Variants in TTF1 observed in about 807,000 individuals in gnomAD.
TTF1 encodes transcription termination factor 1, also known as transcription termination factor, RNA polymerase I.
TTF1 carries 64 observed loss-of-function variants against 80.2 expected under a neutral mutation model. The observed-to-expected ratio is 0.80, with a 90% CI of 0.65 to 0.98. TTF1 has a LOEUF of 0.98. Among genes scored for constraint, TTF1 ranks in the 50% least tolerant of loss-of-function variants. The pLI is 0.00. For missense variants in TTF1, 1,023 were observed against 1,086.2 expected (o/e 0.94, Z 0.82); for synonymous variants, 372 against 382.7 (o/e 0.97, Z 0.33).
At chr9:132,376,468 G>A (rs1849178581) in intron 10 of TTF1, among the ~76,000 whole-genome samples, 1 of 152,192 alleles carries the variant, frequency 6.6e-6, no homozygotes, top group East Asian at 1.9e-4. Context: ...TCTGCTGAAC[G>A]CAAAGACGCA....
At chr9:132,381,374 G>T (rs1019114486) in intron 9 of TTF1, among the ~76,000 whole-genome samples, 1 of 152,120 alleles carries the variant, frequency 6.6e-6, no homozygotes, top group African/African-American at 2.4e-5. Flanking sequence ...TATTTTAGTA[G>T]AGATGGGGTT....
intron 1 of TTF1, 124 bp from the exon 2 acceptor site, chr9:132,402,952 C>A (rs1052568056): frequency 3.2e-6 from 3 of 947,182 alleles, no homozygotes; most frequent in Non-Finnish European, 4.5e-6. Context: ...GCCTCCTGGG[C>A]TCATGCCATT....
At position 132,384,708 on chromosome 9, in the gene TTF1, G is replaced by A. The variant is rs1200126679; in HGVS notation, c.2378+1848C>T. Among the ~76,000 whole-genome samples the A allele has an allele frequency of 6.6e-6, 1 of 152,180 alleles. No homozygotes were observed. The highest frequency in any genetic ancestry group is 2.4e-5 in the African/African-American group (1 of 41,428). Reference sequence around the variant, plus strand: ...GTCTTGCTCTGTTGCCCAGGCTGGAGTGCAATGGCATGATCTCGGCTTACT... The same window carrying A: ...GTCTTGCTCTGTTGCCCAGGCTGGAATGCAATGGCATGATCTCGGCTTACT... On this transcript the variant is annotated intron_variant, in intron 9 of 10. Coordinates refer to ENST00000334270, the MANE Select transcript of TTF1 (RefSeq NM_007344.4). The surrounding 1 kb of genome is among the most constrained non-coding windows in gnomAD (Gnocchi z 4.1).
chr9:132,396,299 A>G, intron 5 of TTF1, 134 bp downstream of exon 5: 1 of 885,718 alleles, frequency 1.1e-6, no homozygotes, highest in African/African-American at 1.7e-5. Flanking sequence ...TTTGACAACA[A>G]ATACACCACC....
rs199931383 is a variant in TTF1, at chr9:132,390,823, G to A, written c.1996C>T (p.Arg666Cys). The change falls in exon 7 of 11, where the codon CGT becomes TGT. Residue 666 changes from arginine to cysteine, a missense_variant. By Grantham distance (180) the Arg-to-Cys change is radical. Coordinates refer to ENST00000334270, the MANE Select transcript of TTF1 (RefSeq NM_007344.4). ...GTTTCAGACTTACTCCAAGCACCAC[G>A]ATTTCTTTCTGTAGATATAAAAAGA... Reference protein sequence around the residue: ...KFSQISSQRNRGAWSKSETRK... With the variant: ...KFSQISSQRNCGAWSKSETRK... The A allele has an allele frequency of 1.4e-5, 23 of 1,613,682 alleles. No individual in the cohort carries two copies. The highest frequency in any genetic ancestry group is 7.7e-5 in the South Asian group (7 of 91,002).
rs767431497 is a variant in TTF1 at position 132,388,233 on chromosome 9, A to G, written c.2223-5T>C. ...CTCTTGGTTAGAATTTCTGTCCTAC[A>G]TTAAAAGGAAGAAAAACATAGTTTA... On this transcript the variant is annotated splice_region_variant and splice_polypyrimidine_tract_variant and intron_variant, in intron 7 of 10. Coordinates refer to ENST00000334270, the MANE Select transcript of TTF1 (RefSeq NM_007344.4). 9 of 1,587,808 alleles carry G rather than the reference A, an allele frequency of 5.7e-6. No homozygotes were observed. Among genetic ancestry groups the G allele is most frequent in the Non-Finnish European group, 5.2e-6 (6 of 1,160,330 alleles).
At chr9:132,398,729 G>A (rs575721691) in intron 3 of TTF1, among the ~76,000 whole-genome samples, 82 of 152,090 alleles carry the variant, frequency 5.4e-4, no homozygotes, top group African/African-American at 2.0e-3. Context: ...CGAGTAGCTG[G>A]GACTACAGGT....
intron 5 of TTF1, among the ~76,000 whole-genome samples, chr9:132,392,589 C>T (rs113565939): frequency 6.6e-5 from 10 of 152,054 alleles, no homozygotes; most frequent in South Asian, 6.2e-4. Flanking sequence ...CTGAAGTCCC[C>T]GTTGATTGCT....
intron 9 of TTF1, among the ~76,000 whole-genome samples, chr9:132,381,001 T>A (rs1430236548): frequency 6.6e-6 from 1 of 152,066 alleles, no homozygotes; most frequent in African/African-American, 2.4e-5. Flanking sequence ...AACTTCTGGC[T>A]CCCAGGCTCA....
rs534012235 is a variant in TTF1 at position 132,399,974 on chromosome 9, A to C, written c.1591+61T>G. ...ATAAATCTGAATCATCCATAAAAGA[A>C]AGTTAGGTGCTAGCTCTGCATACAG... On this transcript the variant is annotated intron_variant, in intron 3 of 10. Coordinates refer to ENST00000334270, the MANE Select transcript of TTF1 (RefSeq NM_007344.4). The C allele has an allele frequency of 5.2e-6, 8 of 1,540,420 alleles. No individual in the cohort carries two copies. In the East Asian group the frequency reaches 9.0e-5, roughly 17 times the overall value.
At chr9:132,381,912 C>T (rs1254480115) in intron 9 of TTF1, among the ~76,000 whole-genome samples, 2 of 152,158 alleles carry the variant, frequency 1.3e-5, no homozygotes, top group Admixed American at 1.3e-4. Context: ...GACCTCACAC[C>T]AGTAGCCACA....
chr9:132,402,532 T>A lies in TTF1; in HGVS notation c.290A>T (p.Asp97Val). 6.2e-7 allele frequency: 1 copy of A among 1,614,242 alleles called. No homozygotes were observed. The highest frequency in any genetic ancestry group is 8.5e-7 in the Non-Finnish European group (1 of 1,180,044). The change falls in exon 2 of 11, where the codon GAC becomes GTC. Residue 97 changes from aspartate to valine, a missense_variant. Transcript: ENST00000334270. ...KKRRYSALEV[D>V]EEAGVTVVLV... ...GACAACTGTAACACCTGCTTCCTCG[T>A]CCACCTCCAAAGCACTATATCTTCT...
rs1405363663 is a variant in TTF1, at chr9:132,384,196, A to T, written c.2378+2360T>A. ...AGCTTCATTTATTTTGTATCTGTCT[A>T]AAATTTTCCTAATAAAGTTTCTGAA... is the stretch of plus-strand genomic sequence containing the variant. On this transcript the variant is annotated intron_variant, in intron 9 of 10. Coordinates refer to ENST00000334270, the MANE Select transcript of TTF1 (RefSeq NM_007344.4). The surrounding 1 kb of genome is among the most constrained non-coding windows in gnomAD (Gnocchi z 4.1). Among the ~76,000 whole-genome samples the T allele has an allele frequency of 6.6e-6, 1 of 152,220 alleles. No homozygotes were observed. The highest frequency in any genetic ancestry group is 2.4e-5 in the African/African-American group (1 of 41,454).
rs547274842 is a variant in TTF1 at position 132,386,711 on chromosome 9, T to C, written c.2313-90A>G. ...GCGTGGAGTGCTGAGAGCTGGAAGG[T>C]ATGTGCGCTTTCGCCGCATTCCAGC... On this transcript the variant is annotated intron_variant, in intron 8 of 10. Transcript: ENST00000334270. 44 of 1,077,854 alleles carry C rather than the reference T, an allele frequency of 4.1e-5. 1 individual carries two copies. The highest frequency in any genetic ancestry group is 2.0e-4 in the Middle Eastern group (1 of 4,896). The allele number at this position is 1,077,854 out of a possible 1,614,324, so 66.8% of individuals were successfully genotyped here.
chr9:132,385,115 GA>G (rs1356206843), intron 9 of TTF1, among the ~76,000 whole-genome samples: 1 of 152,104 alleles, frequency 6.6e-6, no homozygotes, highest in African/African-American at 2.4e-5. Context: ...ACTGGGAACC[GA>G]CCAAGTCATT....
At chr9:132,390,007 G>A (rs898804695) in intron 7 of TTF1, among the ~76,000 whole-genome samples, 10 of 151,920 alleles carry the variant, frequency 6.6e-5, no homozygotes, top group Admixed American at 3.3e-4. Context: ...ACAGAGCCTC[G>A]CTCTGTTGCC....
Position 132,375,841 on chromosome 9 carries a change from C to T in TTF1, c.*74G>A. 1.1e-6 allele frequency: 1 copy of T among 894,850 alleles called. No individual in the cohort carries two copies. Among genetic ancestry groups the T allele is most frequent in the Non-Finnish European group, 1.7e-6 (1 of 585,610 alleles). 55.4% of individuals were successfully genotyped at this position (894,850 alleles called of 1,614,324 possible). A position where few individuals can be genotyped will look rare whatever the true frequency, so the allele number is the denominator to read the frequency against. ...GAAATTACAGGTGTGCACTACCACACCCGGCTAATTTTTGCATTTTTAATA... is the reference window on the plus strand; with the variant it reads ...GAAATTACAGGTGTGCACTACCACATCCGGCTAATTTTTGCATTTTTAATA... On this transcript the variant is annotated 3_prime_UTR_variant, in exon 11 of 11. Transcript: ENST00000334270.
chr9:132,378,226 G>A (rs1319198899), intron 10 of TTF1, among the ~76,000 whole-genome samples: 56 of 131,790 alleles, frequency 4.2e-4, no homozygotes, highest in Non-Finnish European at 6.9e-4. Context: ...TGGTGTGTGA[G>A]TGCATGCATG....
At position 132,398,229 on chromosome 9, in the gene TTF1, T is replaced by A. The variant is rs1849692460; in HGVS notation, c.1689A>T (p.Ala563=). ...DFLALTGIES[A]DKLLYTDRYP... ...ATCTGTCCGTGTACAGCAGCTTGTC[T>A]GCACTCTCAATGCCTGTCAGGGCTA... Residue 563 remains alanine (A), a synonymous_variant, in exon 4 of 11, where the codon GCA becomes GCT. Coordinates refer to ENST00000334270, the MANE Select transcript of TTF1 (RefSeq NM_007344.4). 1 of 1,607,330 alleles carries A rather than the reference T, an allele frequency of 6.2e-7. No individual in the cohort carries two copies. Among genetic ancestry groups the A allele is most frequent in the Non-Finnish European group, 8.5e-7 (1 of 1,178,054 alleles).
Sources: gnomAD v4.1 joint callset for allele counts (sites outside exome capture counted in the v4.1 genomes callset) on GRCh38, gnomAD v4.1.1 for gene constraint, Gnocchi (gnomAD v3.1) non-coding constraint, MANE v1.5 for transcripts, NCBI Gene and HGNC (gene_info 2026-07-23, HGNC 2026-07-21) for gene names.